Variants in TMEM132D observed in about 807,000 individuals in gnomAD.
The protein encoded by TMEM132D is mature OL transmembrane protein.
A neutral mutation model predicts 62.3 loss-of-function variants in TMEM132D; 21 were observed. That is an observed-to-expected ratio of 0.34 (90% CI 0.24 to 0.49). The LOEUF is 0.49. TMEM132D is among the 20% of genes least tolerant of loss of function. TMEM132D has a pLI of 0.99. For missense variants in TMEM132D, 1,346 were observed against 1,402.8 expected (o/e 0.96, Z 0.65); for synonymous variants, 621 against 575.6 (o/e 1.08, Z -1.13).
intron 4 of TMEM132D, among the ~76,000 whole-genome samples, chr12:129,287,645 A>G (rs545005477): frequency 1.7e-3 from 258 of 152,294 alleles, no homozygotes; most frequent in Middle Eastern, 6.8e-3. Flanking sequence ...AAATGCTCCA[A>G]GTTAACCTCA....
chr12:129,667,436 GCTAT>G (rs547570389), intron 2 of TMEM132D, among the ~76,000 whole-genome samples: 177 of 152,256 alleles, frequency 1.2e-3, no homozygotes, highest in African/African-American at 4.1e-3. Context: ...TTGGCCTCAT[GCTAT>G]CTTTCTTGGG....
chr12:129,470,952 A>T (rs1874076590), intron 3 of TMEM132D, among the ~76,000 whole-genome samples: 1 of 152,186 alleles, frequency 6.6e-6, no homozygotes, highest in African/African-American at 2.4e-5. Flanking sequence ...TAGAGATGAC[A>T]TCATGAGAAC....
chr12:129,151,530 C>T (rs1877071546), intron 5 of TMEM132D, among the ~76,000 whole-genome samples: 1 of 152,210 alleles, frequency 6.6e-6, no homozygotes, highest in South Asian at 2.1e-4. Flanking sequence ...ACGCTCACCA[C>T]ACCCAGGGGT....
At chr12:129,233,632 T>G (rs867494617) in intron 4 of TMEM132D, among the ~76,000 whole-genome samples, 1 of 152,076 alleles carries the variant, frequency 6.6e-6, no homozygotes, top group African/African-American at 2.4e-5. Context: ...TTTTATTTAT[T>G]TATTTATTTT....
At chr12:129,671,610 C>T (rs919259923) in intron 2 of TMEM132D, among the ~76,000 whole-genome samples, 10 of 151,904 alleles carry the variant, frequency 6.6e-5, no homozygotes, top group African/African-American at 2.4e-4. Flanking sequence ...AGGGCTGAAG[C>T]GTTTTTGAAA....
At chr12:129,283,304 G>A (rs1881204348) in intron 4 of TMEM132D, among the ~76,000 whole-genome samples, 1 of 152,148 alleles carries the variant, frequency 6.6e-6, no homozygotes, top group Admixed American at 6.5e-5. Flanking sequence ...TGATTCTCCT[G>A]CCTCAGCCTC....
chr12:129,390,692 C>T (rs12813023), intron 3 of TMEM132D, among the ~76,000 whole-genome samples: 1 of 152,144 alleles, frequency 6.6e-6, no homozygotes, highest in South Asian at 2.1e-4. Flanking sequence ...CCTTGGTCCT[C>T]CTTCTTCTTG....
intron 3 of TMEM132D, among the ~76,000 whole-genome samples, chr12:129,413,892 G>A (rs945833216): frequency 1.3e-5 from 2 of 152,078 alleles, no homozygotes; most frequent in African/African-American, 4.8e-5. Flanking sequence ...ATCTTAGCTG[G>A]GCATGAACGA....
intron 1 of TMEM132D, among the ~76,000 whole-genome samples, chr12:129,814,435 CCT>C (rs1416189240): frequency 6.6e-6 from 1 of 151,652 alleles, no homozygotes; most frequent in Non-Finnish European, 1.5e-5. Context: ...ATGTAGAAAC[CCT>C]GTCTCTACTA....
intron 3 of TMEM132D, among the ~76,000 whole-genome samples, chr12:129,429,464 C>G (rs1309313377): frequency 1.3e-5 from 2 of 152,094 alleles, no homozygotes; most frequent in African/African-American, 2.4e-5. Context: ...AGAGGCCCCC[C>G]CAGGGAGCTG....
At chr12:129,210,099 A>C (rs1319231550) in intron 4 of TMEM132D, 1 of 163,598 alleles carries the variant, frequency 6.1e-6, no homozygotes, top group African/African-American at 2.4e-5. Context: ...AAATTAATGA[A>C]GGCAGGATTT....
chr12:129,447,094 CTCTG>C (rs1373530995), intron 3 of TMEM132D, among the ~76,000 whole-genome samples: 2 of 152,196 alleles, frequency 1.3e-5, no homozygotes, highest in African/African-American at 4.8e-5. Context: ...CCAACCATCT[CTCTG>C]TCTCTCTCCT....
chr12:129,831,324 T>C (rs1006686967), intron 1 of TMEM132D, among the ~76,000 whole-genome samples: 8 of 152,210 alleles, frequency 5.3e-5, no homozygotes, highest in South Asian at 4.1e-4. Flanking sequence ...TAGACAGCCA[T>C]TGTCCCTCCC....
intron 3 of TMEM132D, among the ~76,000 whole-genome samples, chr12:129,445,885 AAC>A (rs1266398415): frequency 6.6e-6 from 1 of 152,192 alleles, no homozygotes; most frequent in African/African-American, 2.4e-5. Flanking sequence ...AAGGAAGCAG[AAC>A]AAGGTAGAGG....
At position 129,367,547 on chromosome 12, in the gene TMEM132D, G is replaced by A. The variant is rs569637315; in HGVS notation, c.1116-29730C>T. On this transcript the variant is annotated intron_variant, in intron 3 of 8. Coordinates refer to ENST00000422113, the MANE Select transcript of TMEM132D (RefSeq NM_133448.3). ...GGAATACGACACTGGTGTGTGTGCC[G>A]GGGGAGCAAGGGTCTTCTTCAGGTG... Among the ~76,000 whole-genome samples the A allele has an allele frequency of 7.4e-4, 113 of 152,190 alleles. 1 individual carries two copies. Among genetic ancestry groups the A allele is most frequent in the Admixed American group, 2.7e-3 (41 of 15,288 alleles).
chr12:129,354,891 T>C (rs1178488606), intron 3 of TMEM132D, among the ~76,000 whole-genome samples: 1 of 152,224 alleles, frequency 6.6e-6, no homozygotes, highest in Non-Finnish European at 1.5e-5. Context: ...ACATGCATGC[T>C]TATAAGAATG....
At chr12:129,487,689 T>C (rs1307254760) in intron 3 of TMEM132D, among the ~76,000 whole-genome samples, 2 of 151,740 alleles carry the variant, frequency 1.3e-5, no homozygotes, top group Admixed American at 6.6e-5. Flanking sequence ...TCCCAGCACT[T>C]TGGGAGGCCG....
chr12:129,582,931 GT>G (rs1290779429), intron 2 of TMEM132D, among the ~76,000 whole-genome samples: 2 of 145,302 alleles, frequency 1.4e-5, no homozygotes, highest in Admixed American at 6.7e-5. Flanking sequence ...AGCCGAGTTT[GT>G]TTTTTGTTTT....
chr12:129,737,750 T>A (rs891504067), intron 1 of TMEM132D, among the ~76,000 whole-genome samples: 9 of 152,132 alleles, frequency 5.9e-5, no homozygotes, highest in African/African-American at 1.9e-4. Flanking sequence ...AATATAGACG[T>A]TTTAGCAAAT....
Sources: allele counts gnomAD v4.1 joint callset (sites outside exome capture counted in the v4.1 genomes callset), GRCh38; gene constraint gnomAD v4.1.1; transcripts MANE v1.5; gene names NCBI Gene and HGNC (gene_info 2026-07-23, HGNC 2026-07-21).